Variants in RBM6 observed in about 807,000 individuals in gnomAD.
The protein encoded by RBM6 is RNA binding motif protein 6.
In RBM6, 23 loss-of-function variants were observed where a neutral mutation model predicts 140.4. The ratio of observed to expected loss-of-function variants is 0.16; its 90% CI spans 0.12 to 0.23. The LOEUF (loss-of-function observed/expected upper bound fraction) is 0.23, where lower values mean the gene tolerates loss of function less well. Ranked by LOEUF, RBM6 falls within the 10% of genes least tolerant of loss-of-function variation. The pLI is 1.00. For missense variants in RBM6, 1,139 were observed against 1,386.7 expected (o/e 0.82, Z 2.84); for synonymous variants, 439 against 475.6 (o/e 0.92, Z 1.00).
At chr3:49,940,394 G>A (rs2083231394) in intron 1 of RBM6, 169 bp downstream of exon 1, 1 of 152,868 alleles carries the variant, frequency 6.5e-6, no homozygotes, top group Admixed American at 6.5e-5. Context: ...GGTGAGATGA[G>A]GGAGGCGCCG....
chr3:49,943,627 A>AT (rs555151252), intron 1 of RBM6, among the ~76,000 whole-genome samples: 4,308 of 151,356 alleles, frequency 0.028, 95 homozygotes, highest in Non-Finnish European at 0.042. Context: ...TTTTATTTTA[A>AT]TTTTTTTGTG....
intron 6 of RBM6, among the ~76,000 whole-genome samples, chr3:50,030,876 A>G (rs990065737): frequency 6.6e-6 from 1 of 152,074 alleles, no homozygotes; most frequent in East Asian, 1.9e-4. Context: ...CTTCCTGGAC[A>G]TAGTGAGTAG....
At chr3:50,043,161 G>A (rs2089021582) in intron 6 of RBM6, among the ~76,000 whole-genome samples, 1 of 152,138 alleles carries the variant, frequency 6.6e-6, no homozygotes, top group Non-Finnish European at 1.5e-5. Flanking sequence ...GAGAAAGGAG[G>A]AGATGTCTTT....
intron 6 of RBM6, among the ~76,000 whole-genome samples, chr3:50,033,269 C>T (rs982834125): frequency 3.3e-5 from 5 of 152,020 alleles, no homozygotes; most frequent in African/African-American, 7.2e-5. Context: ...TGCACTCCAG[C>T]CTGGGTGACA....
chr3:50,061,438 T>C, intron 13 of RBM6, 24 bp from the exon 14 acceptor site: 1 of 1,587,876 alleles, frequency 6.3e-7, no homozygotes, highest in Non-Finnish European at 8.5e-7. Flanking sequence ...AGACTAACAT[T>C]GGCTCTGATC....
At chr3:50,056,538 C>T (rs1485537130) in intron 8 of RBM6, among the ~76,000 whole-genome samples, 1 of 152,178 alleles carries the variant, frequency 6.6e-6, no homozygotes, top group Non-Finnish European at 1.5e-5. Context: ...TCGTGATCTG[C>T]CCGCCTCAGT....
At chr3:49,944,432 C>G (rs2083402783) in intron 1 of RBM6, among the ~76,000 whole-genome samples, 1 of 149,592 alleles carries the variant, frequency 6.7e-6, no homozygotes, top group Admixed American at 6.7e-5. Flanking sequence ...CCTTTTTGCT[C>G]TTGTGAATAT....
intron 6 of RBM6, among the ~76,000 whole-genome samples, chr3:50,038,866 G>A (rs1245182781): frequency 2.6e-5 from 4 of 152,076 alleles, no homozygotes; most frequent in African/African-American, 9.7e-5. Context: ...AAGAAATGAT[G>A]TAAATCAGCT....
chr3:50,010,900 C>CAAAAAAA (rs776065398), intron 6 of RBM6, among the ~76,000 whole-genome samples: 1 of 52,236 alleles, frequency 1.9e-5, no homozygotes, highest in African/African-American at 8.5e-5. Context: ...AAGACTGTCT[C>CAAAAAAA]AAAAAAAAAA....
intron 19 of RBM6, 45 bp from the exon 20 acceptor site, chr3:50,075,156 C>CA (rs376657561): frequency 0.15 from 185,864 of 1,218,514 alleles, 6 homozygotes; most frequent in East Asian, 0.16. Context: ...AACTCCGTCT[C>CA]AAAAAAAAAA....
intron 6 of RBM6, among the ~76,000 whole-genome samples, chr3:50,016,842 T>TC (rs1400759537): frequency 6.6e-6 from 1 of 151,306 alleles, no homozygotes; most frequent in African/African-American, 2.4e-5. Context: ...TTTTTTTTTT[T>TC]TGAGACAGAG....
At chr3:50,052,075 T>C (rs2089490755) in intron 7 of RBM6, among the ~76,000 whole-genome samples, 1 of 152,218 alleles carries the variant, frequency 6.6e-6, no homozygotes, top group Non-Finnish European at 1.5e-5. Context: ...GGGTTTGTTT[T>C]TGTTTTTAAG....
intron 2 of RBM6, among the ~76,000 whole-genome samples, chr3:49,966,787 G>A (rs2084534831): frequency 6.6e-6 from 1 of 151,804 alleles, no homozygotes. Context: ...TGATACCCTT[G>A]GGTAGTTATA....
chr3:50,059,705 T>C lies in RBM6; in HGVS notation c.2187T>C (p.Asp729=). 6.2e-7 allele frequency: 1 copy of C among 1,613,862 alleles called. No homozygotes were observed. ...ACCTTGATCCGCCATTTAGCATTGA[T>C]GGGAAGATGGTAGCTGTAAACCTGG... ...LQNLDPPFSI[D]GKMVAVNLAT... is the part of the protein sequence containing the mutation. The change falls in exon 11 of 21, where the codon GAT becomes GAC. Residue 729 remains aspartate (D), a synonymous_variant. Transcript: ENST00000266022.
intron 6 of RBM6, among the ~76,000 whole-genome samples, chr3:50,040,487 TATATATACAC>T (rs1319565376): frequency 1.4e-3 from 144 of 102,564 alleles, no homozygotes; most frequent in South Asian, 2.6e-3. Context: ...TATATATATA[TATATATACAC>T]ACACACACAC....
At chr3:50,060,288 A>T (rs2089883497) in intron 11 of RBM6, among the ~76,000 whole-genome samples, 1 of 152,128 alleles carries the variant, frequency 6.6e-6, no homozygotes, top group African/African-American at 2.4e-5. Context: ...TTTCCATAGC[A>T]CTGGGAAATC....
At chr3:50,044,212 A>G (rs1167148414) in intron 6 of RBM6, among the ~76,000 whole-genome samples, 9 of 152,184 alleles carry the variant, frequency 5.9e-5, no homozygotes, top group Non-Finnish European at 1.0e-4. Flanking sequence ...GACCTGGTTA[A>G]TCAGACACAT....
intron 3 of RBM6, 134 bp downstream of exon 3, chr3:49,968,882 C>T (rs2084642825): frequency 3.4e-6 from 4 of 1,163,776 alleles, no homozygotes; most frequent in Non-Finnish European, 4.6e-6. Flanking sequence ...TGGGTTCATG[C>T]CATTCTCCTG....
chr3:50,070,039 C>G (rs947417104), intron 18 of RBM6, among the ~76,000 whole-genome samples: 1 of 152,122 alleles, frequency 6.6e-6, no homozygotes, highest in Non-Finnish European at 1.5e-5. Flanking sequence ...CCAGGAGTTA[C>G]CAAGTGAGCT....
Sources: gnomAD v4.1 joint callset for allele counts (sites outside exome capture counted in the v4.1 genomes callset) on GRCh38, gnomAD v4.1.1 for gene constraint, MANE v1.5 for transcripts, NCBI Gene and HGNC (gene_info 2026-07-23, HGNC 2026-07-21) for gene names.